COL16A1: variants seen among roughly 807,000 people sequenced by gnomAD.
COL16A1 encodes the protein collagen alpha-1(XVI) chain.
Under a neutral mutation model 266.3 loss-of-function variants are expected in COL16A1, and 189 were observed. The observed-to-expected ratio is 0.71, with a 90% CI of 0.63 to 0.80. The LOEUF (loss-of-function observed/expected upper bound fraction) is 0.80, where lower values mean the gene tolerates loss of function less well. COL16A1 is among the 30% of genes least tolerant of loss of function. The pLI is 0.00. For missense variants in COL16A1, 1,928 were observed against 2,122.4 expected (o/e 0.91, Z 1.80); for synonymous variants, 740 against 782.3 (o/e 0.95, Z 0.90).
In COL16A1 at chr1:31,686,013, G is replaced by A. The variant is rs1643952728; in HGVS notation, c.1884+78C>T. ...CGACAGACAGCAAGGAGCCCCAGAG[G>A]GTTCGAAGTCGAGCAAGACGAGTGT... On this transcript the variant is annotated intron_variant, in intron 28 of 70. Transcript: ENST00000373672. The A allele has an allele frequency of 6.9e-6, 11 of 1,586,148 alleles. No individual in the cohort carries two copies. The Admixed American group carries it at 8.6e-5, about 12-fold the overall frequency.
At chr1:31,660,989 G>T (rs1464785229) in intron 61 of COL16A1, 77 bp downstream of exon 61, 1 of 1,461,544 alleles carries the variant, frequency 6.8e-7, no homozygotes, top group Non-Finnish European at 9.2e-7. Context: ...CAGTGAGCAG[G>T]AAGAAGCGGC....
intron 26 of COL16A1, among the ~76,000 whole-genome samples, chr1:31,687,634 G>C (rs371126027): frequency 6.6e-6 from 1 of 151,676 alleles, no homozygotes; most frequent in Non-Finnish European, 1.5e-5. Context: ...TAGAGGGAGG[G>C]GGCAGCGTCA....
At position 31,683,178 on chromosome 1, in the gene COL16A1, G is replaced by A; in HGVS notation, c.2469+16C>T. 1 of 1,614,116 alleles carries A rather than the reference G, an allele frequency of 6.2e-7. No homozygotes were observed. Among genetic ancestry groups the A allele is most frequent in the Non-Finnish European group, 8.5e-7 (1 of 1,180,016 alleles). ...GGAATACTGCAGGCCCAATACCCAT[G>A]GAGGCAGAGGCTCACCTGGGCACCC... On this transcript the variant is annotated intron_variant, in intron 36 of 70. Coordinates refer to ENST00000373672, the MANE Select transcript of COL16A1 (RefSeq NM_001856.4).
Position 31,685,869 on chromosome 1 carries a change from C to A in COL16A1, c.1885-99G>T. On this transcript the variant is annotated intron_variant, in intron 28 of 70. Coordinates refer to ENST00000373672, the MANE Select transcript of COL16A1 (RefSeq NM_001856.4). This position sits in a 1 kb window ranked among gnomAD's most constrained non-coding sequence, Gnocchi z 4.0. ...CTGGGGAATGTCACTGGGTCTGACA[C>A]TGCACCTCTGCTGGGTGAGGGGTTA... 1 of 1,559,190 alleles carries A rather than the reference C, an allele frequency of 6.4e-7. No individual in the cohort carries two copies. The highest frequency in any genetic ancestry group is 8.7e-7 in the Non-Finnish European group (1 of 1,146,342).
rs1643934813 is a variant in COL16A1, at chr1:31,685,677, C to A, written c.1978G>T (p.Glu660Ter). 6.2e-7 allele frequency: 1 copy of A among 1,613,988 alleles called. No individual in the cohort carries two copies. The highest frequency in any genetic ancestry group is 8.5e-7 in the Non-Finnish European group (1 of 1,179,986). The stretch of plus-strand genomic sequence containing the variant: ...AAGCCAAAGCCTGGAGGCCCAGGTT[C>A]CCCCTTCTCTCCGGATGGGCCAGGC... ...ALPGPSGEKG[E>*]PGPPGFGLPG... Residue 660 changes from glutamate (E) to a stop codon, truncating the protein, a stop_gained, in exon 29 of 71, where the codon GAA becomes TAA. Transcript: ENST00000373672. LOFTEE classifies it high-confidence loss of function. This position sits in a 1 kb window ranked among gnomAD's most constrained non-coding sequence, Gnocchi z 4.0.
Position 31,692,400 on chromosome 1 carries a change from G to A in COL16A1, c.1194+74C>T, listed in dbSNP as rs375561287. 167 of 1,546,686 alleles carry A rather than the reference G, an allele frequency of 1.1e-4. No homozygotes were observed. In the African/African-American group the frequency reaches 1.8e-3, roughly 17 times the overall value. ...TGACACCCTCTCCTCAGAGAACCCC[G>A]ACTCCTCCTTCCTCATGGCTGTAGA... is the stretch of plus-strand genomic sequence containing the variant. On this transcript the variant is annotated intron_variant, in intron 16 of 70. Coordinates refer to ENST00000373672, the MANE Select transcript of COL16A1 (RefSeq NM_001856.4).
chr1:31,656,538 T>C lies in COL16A1; in HGVS notation c.4057-94A>G. On this transcript the variant is annotated intron_variant, in intron 65 of 70. Transcript: ENST00000373672. The surrounding 1 kb of genome is among the most constrained non-coding windows in gnomAD (Gnocchi z 4.2). ...CAGTGAAGAGGCCCCTTCCACAGCC[T>C]GAGGCCCCCAGGTGTGTCCAGCCCA... 1 of 1,543,260 alleles carries C rather than the reference T, an allele frequency of 6.5e-7. No individual in the cohort carries two copies. Among genetic ancestry groups the C allele is most frequent in the Non-Finnish European group, 8.7e-7 (1 of 1,143,680 alleles).
rs560840424 is a variant in COL16A1 at position 31,698,257 on chromosome 1, T to C, written c.391-85A>G. On this transcript the variant is annotated intron_variant, in intron 5 of 70. Coordinates refer to ENST00000373672, the MANE Select transcript of COL16A1 (RefSeq NM_001856.4). This position sits in a 1 kb window ranked among gnomAD's most constrained non-coding sequence, Gnocchi z 4.1. Reference sequence around the variant, plus strand: ...GCACGTTCAGGGACCTTGAACTCATTTCACAGGAGGGGAACTGAGGCCCAG... The same window carrying C: ...GCACGTTCAGGGACCTTGAACTCATCTCACAGGAGGGGAACTGAGGCCCAG... 1.9e-6 allele frequency: 3 copies of C among 1,569,058 alleles called. No homozygotes were observed. The South Asian group carries it at 3.7e-5, about 19-fold the overall frequency.
chr1:31,692,656 C>T lies in COL16A1; in HGVS notation c.1114-14G>A. 6.2e-7 allele frequency: 1 copy of T among 1,614,108 alleles called. No homozygotes were observed. Among genetic ancestry groups the T allele is most frequent in the Non-Finnish European group, 8.5e-7 (1 of 1,179,952 alleles). ...GCCTTCTGCACACTGAACAGGGGAA[C>T]ACAGTGTTGAGAGGGGCAGAGGGTC... On this transcript the variant is annotated splice_polypyrimidine_tract_variant and intron_variant, in intron 14 of 70. Transcript: ENST00000373672.
At position 31,675,215 on chromosome 1, in the gene COL16A1, G is replaced by A. The variant is rs753779891; in HGVS notation, c.2826+43C>T. 5.0e-6 allele frequency: 8 copies of A among 1,613,912 alleles called. No individual in the cohort carries two copies. The East Asian group carries it at 8.9e-5, about 18-fold the overall frequency. ...TCATAGCCTGAGCAGCCCTGGGAAGGGCAGGGAAGGGGCATGCACAGGGAG... is the reference window on the plus strand; with the variant it reads ...TCATAGCCTGAGCAGCCCTGGGAAGAGCAGGGAAGGGGCATGCACAGGGAG... On this transcript the variant is annotated intron_variant, in intron 43 of 70. Coordinates refer to ENST00000373672, the MANE Select transcript of COL16A1 (RefSeq NM_001856.4).
Position 31,698,680 on chromosome 1 carries a change from A to C in COL16A1, c.267-74T>G. ...ATGCTGCCCACCCTGAGCCCTCAGG[A>C]CTGCTGAGCCTACCCAAGACATCCA... On this transcript the variant is annotated intron_variant, in intron 4 of 70. Transcript: ENST00000373672. The surrounding 1 kb of genome is among the most constrained non-coding windows in gnomAD (Gnocchi z 4.1). The C allele has an allele frequency of 6.3e-7, 1 of 1,577,624 alleles. No homozygotes were observed. The highest frequency in any genetic ancestry group is 1.2e-5 in the South Asian group (1 of 86,152).
chr1:31,666,903 C>G (rs76837091), intron 52 of COL16A1, among the ~76,000 whole-genome samples: 4,139 of 152,298 alleles, frequency 0.027, 217 homozygotes, highest in African/African-American at 0.095. Context: ...CTCCCTCCCC[C>G]ACGGCAGGGC....
chr1:31,684,484 C>G (rs1224776643), intron 31 of COL16A1, 39 bp downstream of exon 31: 2 of 1,587,910 alleles, frequency 1.3e-6, no homozygotes, highest in African/African-American at 2.7e-5. Context: ...TTTTTTTATG[C>G]AACAAACTCC....
chr1:31,702,037 A>G, intron 2 of COL16A1, 84 bp downstream of exon 2: 2 of 1,593,524 alleles, frequency 1.3e-6, no homozygotes, highest in Middle Eastern at 1.7e-4. Flanking sequence ...CCACACATAC[A>G]TGGTCACATA....
chr1:31,671,544 C>T (rs369286871), intron 48 of COL16A1, 71 bp downstream of exon 48: 123 of 1,596,308 alleles, frequency 7.7e-5, no homozygotes, highest in Non-Finnish European at 9.4e-5. Flanking sequence ...GACAAGGCCG[C>T]GGGATGGTGT....
chr1:31,697,193 G>A lies in COL16A1; in HGVS notation c.738+27C>T, dbSNP rs1280878323. On this transcript the variant is annotated intron_variant, in intron 7 of 70. Transcript: ENST00000373672. The surrounding 1 kb of genome is among the most constrained non-coding windows in gnomAD (Gnocchi z 4.2). ...CTCATCTCCAGCACAGTGTGTCCCTGGGCAGCCCAAGGGCCGGGCCACTCA... is the reference window on the plus strand; with the variant it reads ...CTCATCTCCAGCACAGTGTGTCCCTAGGCAGCCCAAGGGCCGGGCCACTCA... 2 of 1,613,304 alleles carry A rather than the reference G, an allele frequency of 1.2e-6. No individual in the cohort carries two copies. The highest frequency in any genetic ancestry group is 8.5e-7 in the Non-Finnish European group (1 of 1,179,650).
chr1:31,674,047 T>G (rs1049716047), intron 44 of COL16A1, among the ~76,000 whole-genome samples: 6 of 152,234 alleles, frequency 3.9e-5, no homozygotes, highest in African/African-American at 1.4e-4. Flanking sequence ...AACCTCACTG[T>G]GATCCAACAT....
intron 20 of COL16A1, 136 bp from the exon 21 acceptor site, chr1:31,690,709 G>A (rs953572953): frequency 5.6e-5 from 79 of 1,413,858 alleles, no homozygotes; most frequent in Middle Eastern, 2.5e-4. Flanking sequence ...TGTTCCATTC[G>A]GTCGGTTCCT....
chr1:31,692,874 G>A, intron 13 of COL16A1, 66 bp from the exon 14 acceptor site: 1 of 1,490,604 alleles, frequency 6.7e-7, no homozygotes, highest in East Asian at 2.3e-5. Flanking sequence ...TGTGTTGTGA[G>A]GAGGATCGGC....
Sources: gnomAD v4.1 joint callset for allele counts (sites outside exome capture counted in the v4.1 genomes callset) on GRCh38, gnomAD v4.1.1 for gene constraint, Gnocchi (gnomAD v3.1) non-coding constraint, MANE v1.5 for transcripts, NCBI Gene and HGNC (gene_info 2026-07-23, HGNC 2026-07-21) for gene names.